The following GALNT17 variants were observed in gnomAD, a reference collection of about 807,000 sequenced individuals.
GALNT17 encodes the protein UDP-GalNAc:polypeptide N-acetylgalactosaminyltransferase-like 3.
A neutral mutation model predicts 63.7 loss-of-function variants in GALNT17; 29 were observed. The observed-to-expected ratio is 0.46, with a 90% CI of 0.34 to 0.62. The LOEUF is 0.62. Among genes scored for constraint, GALNT17 ranks in the 20% least tolerant of loss-of-function variants. The pLI, the probability that GALNT17 is intolerant of heterozygous loss-of-function variation, is 0.01. For synonymous variants in GALNT17, 305 were observed against 318.3 expected, an observed-to-expected ratio of 0.96 and a Z score of 0.45; for missense variants, 603 against 799.6, an observed-to-expected ratio of 0.75 and a Z score of 2.97.
At chr7:71,404,691 A>G (rs1429108614) in intron 3 of GALNT17, among the ~76,000 whole-genome samples, 1 of 152,164 alleles carries the variant, frequency 6.6e-6, no homozygotes, top group African/African-American at 2.4e-5. Flanking sequence ...GTGTGTGTGT[A>G]TCACCATATA....
chr7:71,191,459 T>C (rs1788950897), intron 1 of GALNT17, among the ~76,000 whole-genome samples: 1 of 152,154 alleles, frequency 6.6e-6, no homozygotes, highest in African/African-American at 2.4e-5. Flanking sequence ...TAGCAACTAC[T>C]CAACTCTGCT....
chr7:71,201,821 C>T (rs937670312), intron 1 of GALNT17, among the ~76,000 whole-genome samples: 12 of 152,024 alleles, frequency 7.9e-5, no homozygotes, highest in South Asian at 2.1e-4. Context: ...TTAGTAGAGA[C>T]GGGGTTTCAC....
intron 3 of GALNT17, among the ~76,000 whole-genome samples, chr7:71,392,827 C>T (rs566419117): frequency 8.1e-5 from 10 of 123,506 alleles, no homozygotes; most frequent in South Asian, 2.4e-4. Context: ...GTTTTTTCCC[C>T]GGGCCAGAAA....
chr7:71,197,301 G>A (rs1177602220), intron 1 of GALNT17, among the ~76,000 whole-genome samples: 1 of 138,824 alleles, frequency 7.2e-6, no homozygotes, highest in Non-Finnish European at 1.5e-5. Flanking sequence ...CTGGTTTCAC[G>A]CCATTCGCCT....
At chr7:71,139,018 AC>A (rs1787838127) in intron 1 of GALNT17, among the ~76,000 whole-genome samples, 1 of 152,156 alleles carries the variant, frequency 6.6e-6, no homozygotes, top group Non-Finnish European at 1.5e-5. Context: ...CTAGAGACAG[AC>A]GGATTTCTTG....
rs115401173 is a variant in GALNT17, at chr7:71,476,055, C to T, written c.962+54950C>T. Among the ~76,000 whole-genome samples, 799 of 152,244 alleles carry T rather than the reference C, an allele frequency of 5.2e-3. 8 individuals are homozygous for T. Among genetic ancestry groups the T allele is most frequent in the African/African-American group, 0.018 (763 of 41,542 alleles). ...TCATTATTCTCTTTTATCTTCTTGG[C>T]TTGTTCTTTTCACTTGATGGGTTGT... is the stretch of plus-strand genomic sequence containing the variant. On this transcript the variant is annotated intron_variant, in intron 5 of 10. Coordinates refer to ENST00000333538, the MANE Select transcript of GALNT17 (RefSeq NM_022479.3).
At chr7:71,260,136 C>A (rs1405351120) in intron 1 of GALNT17, among the ~76,000 whole-genome samples, 1 of 152,162 alleles carries the variant, frequency 6.6e-6, no homozygotes, top group Non-Finnish European at 1.5e-5. Flanking sequence ...AGGCTGATTT[C>A]TCCCTAACTG....
intron 1 of GALNT17, among the ~76,000 whole-genome samples, chr7:71,229,444 C>T (rs1482988531): frequency 1.3e-5 from 2 of 152,188 alleles, no homozygotes; most frequent in African/African-American, 2.4e-5. Context: ...CTGGCTCTTT[C>T]GTCAGCCTCA....
intron 5 of GALNT17, among the ~76,000 whole-genome samples, chr7:71,532,615 C>G (rs903055492): frequency 3.3e-5 from 5 of 152,146 alleles, no homozygotes; most frequent in Non-Finnish European, 5.9e-5. Context: ...ATGGGGACTT[C>G]CTCCCTACTT....
In GALNT17 at chr7:71,264,884, G is replaced by T. The variant is rs569743317; in HGVS notation, c.239-70666G>T. 2.5e-3 allele frequency among the ~76,000 whole-genome samples: 382 copies of T among 151,714 alleles called. 3 individuals carry two copies. Among genetic ancestry groups the T allele is most frequent in the African/African-American group, 8.9e-3 (368 of 41,414 alleles). On this transcript the variant is annotated intron_variant, in intron 1 of 10. Coordinates refer to ENST00000333538, the MANE Select transcript of GALNT17 (RefSeq NM_022479.3). ...GTTGGTTAATGGGTGCAAAAATACAGTTAGAAGGAATACATTCTAATATTT... is the reference window on the plus strand; with the variant it reads ...GTTGGTTAATGGGTGCAAAAATACATTTAGAAGGAATACATTCTAATATTT...
At chr7:71,693,428 T>TA (rs1305913890) in intron 9 of GALNT17, among the ~76,000 whole-genome samples, 1 of 151,474 alleles carries the variant, frequency 6.6e-6, no homozygotes, top group African/African-American at 2.4e-5. Flanking sequence ...TAGACTGGAT[T>TA]AAAAAAATGT....
chr7:71,173,062 A>G (rs1156333585), intron 1 of GALNT17, among the ~76,000 whole-genome samples: 1 of 152,208 alleles, frequency 6.6e-6, no homozygotes, highest in Non-Finnish European at 1.5e-5. Context: ...TTAAGAAGGT[A>G]GAAGTCTTTT....
At chr7:71,547,143 C>T (rs1481227587) in intron 5 of GALNT17, among the ~76,000 whole-genome samples, 10 of 151,576 alleles carry the variant, frequency 6.6e-5, no homozygotes. Context: ...AGGCATGCAA[C>T]ACCACACCCA....
At chr7:71,482,759 T>G (rs529391565) in intron 5 of GALNT17, among the ~76,000 whole-genome samples, 1 of 152,166 alleles carries the variant, frequency 6.6e-6, no homozygotes, top group South Asian at 2.1e-4. Context: ...TGAAAGTCAG[T>G]TTTTCCAGGG....
intron 1 of GALNT17, among the ~76,000 whole-genome samples, chr7:71,289,838 C>T (rs546159476): frequency 5.9e-5 from 9 of 151,400 alleles, no homozygotes; most frequent in East Asian, 2.0e-4. Context: ...AAGATCGTGC[C>T]GTTGCATTCC....
chr7:71,403,949 A>G (rs889580228), intron 3 of GALNT17, among the ~76,000 whole-genome samples: 1 of 152,238 alleles, frequency 6.6e-6, no homozygotes, highest in African/African-American at 2.4e-5. Context: ...AAAGAAAAAC[A>G]CAGCCCAGCC....
intron 1 of GALNT17, among the ~76,000 whole-genome samples, chr7:71,187,612 C>T (rs1312907440): frequency 6.6e-6 from 1 of 152,150 alleles, no homozygotes; most frequent in Non-Finnish European, 1.5e-5. Context: ...GAATTCTTTT[C>T]AGAGTACACT....
intron 1 of GALNT17, among the ~76,000 whole-genome samples, chr7:71,251,035 A>G (rs1413626451): frequency 6.6e-6 from 1 of 152,148 alleles, no homozygotes; most frequent in Non-Finnish European, 1.5e-5. Flanking sequence ...ATTTTTTGTT[A>G]TACTTTAAGT....
At chr7:71,410,285 G>C (rs1360171338) in intron 3 of GALNT17, among the ~76,000 whole-genome samples, 1 of 142,794 alleles carries the variant, frequency 7.0e-6, no homozygotes, top group Non-Finnish European at 1.5e-5. Context: ...TCACTCTATT[G>C]CCCAGGCTAT....
Sources: allele counts gnomAD v4.1 joint callset (sites outside exome capture counted in the v4.1 genomes callset), GRCh38; gene constraint gnomAD v4.1.1; transcripts MANE v1.5; gene names NCBI Gene and HGNC (gene_info 2026-07-23, HGNC 2026-07-21).